The following SHROOM3 variants were observed in gnomAD, a reference collection of about 807,000 sequenced individuals.
SHROOM3 encodes shroom family member 3.
A neutral mutation model predicts 138.6 loss-of-function variants in SHROOM3; 47 were observed. That is an observed-to-expected ratio of 0.34 (90% CI 0.27 to 0.43). The LOEUF is 0.43. Among genes scored for constraint, SHROOM3 ranks in the 20% least tolerant of loss-of-function variants. The pLI is 1.00. For missense variants in SHROOM3, 2,491 were observed against 2,596.5 expected (o/e 0.96, Z 0.88); for synonymous variants, 1,062 against 1,063.3 (o/e 1.00, Z 0.02).
At chr4:76,514,093 T>C (rs1425795425) in intron 1 of SHROOM3, among the ~76,000 whole-genome samples, 2 of 152,228 alleles carry the variant, frequency 1.3e-5, no homozygotes, top group Non-Finnish European at 1.5e-5. Context: ...TCAGCCACTC[T>C]GGAAAACAGT....
intron 2 of SHROOM3, among the ~76,000 whole-genome samples, chr4:76,576,146 G>A (rs763707662): frequency 2.2e-4 from 33 of 152,010 alleles, no homozygotes; most frequent in Non-Finnish European, 3.8e-4. Flanking sequence ...CCCACTATGG[G>A]GTATATACCC....
rs371443861 is a variant in SHROOM3 at position 76,740,953 on chromosome 4, G to A, written c.2780G>A (p.Ser927Asn). 6.7e-7 allele frequency: 1 copy of A among 1,498,886 alleles called. No individual in the cohort carries two copies. Among genetic ancestry groups the A allele is most frequent in the African/African-American group, 1.4e-5 (1 of 71,192 alleles). 92.8% of individuals were successfully genotyped at this position (1,498,886 alleles called of 1,614,324 possible). Residue 927 changes from serine (S) to asparagine (N), a missense_variant, in exon 5 of 11, where the codon AGC becomes AAC. This residue lies in a region of SHROOM3 where 1,733 missense variants were observed against 1,661.6 expected (regional missense o/e 1.04). Coordinates refer to ENST00000296043, the MANE Select transcript of SHROOM3 (RefSeq NM_020859.4). The surrounding 1 kb of genome is among the most constrained non-coding windows in gnomAD (Gnocchi z 4.0). ...DAPFSRAYRNSIKDAQSRVLG... is the reference protein window; with the variant it reads ...DAPFSRAYRNNIKDAQSRVLG... ...CCCTTCAGCCGCGCCTACCGGAACA[G>A]CATCAAGGACGCACAGTCCCGTGTC...
Position 76,779,148 on chromosome 4 carries a change from A to G in SHROOM3, c.5962A>G (p.Ile1988Val). 1 of 1,613,258 alleles carries G rather than the reference A, an allele frequency of 6.2e-7. No homozygotes were observed. Residue 1988 changes from isoleucine to valine, a missense_variant, in exon 11 of 11, where the codon ATT becomes GTT. By Grantham distance (29) the Ile-to-Val change is conservative (BLOSUM62 3). Transcript: ENST00000296043. ...IPAGGCTFSG[I>V]FPTLTSPL ...TGCTGGGGGCTGTACTTTCAGTGGT[A>G]TTTTCCCAACATTAACCTCTCCACT... is the stretch of plus-strand genomic sequence containing the variant.
At chr4:76,655,828 T>C (rs1270021013) in intron 2 of SHROOM3, among the ~76,000 whole-genome samples, 1 of 152,214 alleles carries the variant, frequency 6.6e-6, no homozygotes, top group Non-Finnish European at 1.5e-5. Context: ...CTGGCATTTA[T>C]CTCTCAGGAT....
intron 2 of SHROOM3, among the ~76,000 whole-genome samples, chr4:76,706,860 T>C (rs1720070342): frequency 6.6e-6 from 1 of 152,322 alleles, no homozygotes; most frequent in Admixed American, 6.5e-5. Flanking sequence ...TGTGCTGCAC[T>C]GCTAGCACAC....
At chr4:76,748,827 TTTTTTTTTTTA>T (rs1721531481) in intron 5 of SHROOM3, among the ~76,000 whole-genome samples, 179 bp from the exon 6 acceptor site, 1 of 150,554 alleles carries the variant, frequency 6.6e-6, no homozygotes, top group Non-Finnish European at 1.5e-5. Flanking sequence ...TTTTTTTTTT[TTTTTTTTTTTA>T]AATCTTCGGC....
In SHROOM3 at chr4:76,629,628, G is replaced by C. The variant is rs999794164; in HGVS notation, c.323+73865G>C. 8.5e-5 allele frequency among the ~76,000 whole-genome samples: 13 copies of C among 152,292 alleles called. No homozygotes were observed. In the East Asian group the frequency reaches 1.9e-3, roughly 23 times the overall value. ...GACTTGGACCTGGATCATAGCGAGG[G>C]AGATGGGAGATGTGGTTGGATTCTG... On this transcript the variant is annotated intron_variant, in intron 2 of 10. Coordinates refer to ENST00000296043, the MANE Select transcript of SHROOM3 (RefSeq NM_020859.4).
In SHROOM3 at chr4:76,739,345, G is replaced by A. The variant is rs1721174314; in HGVS notation, c.1172G>A (p.Ser391Asn). 1.2e-6 allele frequency: 2 copies of A among 1,614,122 alleles called. No individual in the cohort carries two copies. The highest frequency in any genetic ancestry group is 4.5e-5 in the East Asian group (2 of 44,874). Residue 391 changes from serine (S) to asparagine (N), a missense_variant, in exon 5 of 11, where the codon AGT becomes AAT. Ser to Asn is a conservative substitution (Grantham distance 46, BLOSUM62 1). Coordinates refer to ENST00000296043, the MANE Select transcript of SHROOM3 (RefSeq NM_020859.4). ...GAPLPPARSD[S>N]YAAFRHRERP... Reference sequence around the variant, plus strand: ...CCCCTGCCTCCAGCTCGGAGTGACAGTTACGCAGCATTTCGGCACCGTGAG... The same window carrying A: ...CCCCTGCCTCCAGCTCGGAGTGACAATTACGCAGCATTTCGGCACCGTGAG...
intron 9 of SHROOM3, among the ~76,000 whole-genome samples, chr4:76,766,450 G>C (rs926608072): frequency 6.6e-6 from 1 of 152,186 alleles, no homozygotes; most frequent in Non-Finnish European, 1.5e-5. Flanking sequence ...GGGAGGCAGG[G>C]TCTATGAAGC....
At chr4:76,529,533 G>A (rs1195397737) in intron 1 of SHROOM3, among the ~76,000 whole-genome samples, 2 of 151,920 alleles carry the variant, frequency 1.3e-5, no homozygotes, top group Non-Finnish European at 2.9e-5. Flanking sequence ...CACCATGTTA[G>A]CCAGGATGGT....
rs7689300 is a variant in SHROOM3 at position 76,637,311 on chromosome 4, T to A, written c.324-72845T>A. On this transcript the variant is annotated intron_variant, in intron 2 of 10. Transcript: ENST00000296043. ...TGAACCAAAACTCTTGCAGATGCAA[T>A]AGGCACAGGCTCTCTGTTTCCCGTT... Among the ~76,000 whole-genome samples, 1,008 of 152,280 alleles carry A rather than the reference T, an allele frequency of 6.6e-3. 8 individuals carry two copies. Among genetic ancestry groups the A allele is most frequent in the Middle Eastern group, 0.02 (6 of 294 alleles).
chr4:76,552,914 G>T (rs966229169), intron 1 of SHROOM3, among the ~76,000 whole-genome samples: 4 of 151,968 alleles, frequency 2.6e-5, no homozygotes, highest in Admixed American at 1.3e-4. Context: ...GACCCAGATC[G>T]AGCCTTATTT....
At chr4:76,482,670 G>A (rs186111838) in intron 1 of SHROOM3, among the ~76,000 whole-genome samples, 5,233 of 152,030 alleles carry the variant, frequency 0.034, 103 homozygotes, top group Middle Eastern at 0.071. Context: ...ATATGGAACC[G>A]AAAAAGAGCC....
chr4:76,689,604 C>A (rs867752928), intron 2 of SHROOM3: 3 of 985,094 alleles, frequency 3.0e-6, no homozygotes, highest in Non-Finnish European at 3.6e-6. Flanking sequence ...CCGGCGATGC[C>A]GCGCGCCGCC....
At chr4:76,537,151 A>G (rs1732970456) in intron 1 of SHROOM3, among the ~76,000 whole-genome samples, 1 of 152,118 alleles carries the variant, frequency 6.6e-6, no homozygotes, top group Non-Finnish European at 1.5e-5. Context: ...TGAAAGAGAA[A>G]AGGAAGTGAG....
At chr4:76,645,788 T>C (rs1201023033) in intron 2 of SHROOM3, 1 of 152,146 alleles carries the variant, frequency 6.6e-6, no homozygotes, top group African/African-American at 2.4e-5. Context: ...AGATATCTCA[T>C]TATATACATG....
intron 2 of SHROOM3, among the ~76,000 whole-genome samples, chr4:76,695,371 A>T (rs1445937840): frequency 6.6e-6 from 1 of 152,228 alleles, no homozygotes; most frequent in Non-Finnish European, 1.5e-5. Context: ...TGTGAGGTCT[A>T]TGTAGGGATG....
At chr4:76,478,249 A>G (rs928881622) in intron 1 of SHROOM3, among the ~76,000 whole-genome samples, 56 of 152,334 alleles carry the variant, frequency 3.7e-4, no homozygotes, top group African/African-American at 1.2e-3. Flanking sequence ...CGCTGCTAGC[A>G]TAGCAGTCTG....
At chr4:76,461,769 C>T (rs900399485) in intron 1 of SHROOM3, among the ~76,000 whole-genome samples, 2 of 152,118 alleles carry the variant, frequency 1.3e-5, no homozygotes, top group African/African-American at 2.4e-5. Context: ...GTACTACATG[C>T]GAGATACTTG....
Sources: gnomAD v4.1 joint callset for allele counts (sites outside exome capture counted in the v4.1 genomes callset) on GRCh38, gnomAD v4.1.1 for gene constraint, gnomAD v4.1.1 regional missense constraint, Gnocchi (gnomAD v3.1) non-coding constraint, MANE v1.5 for transcripts, NCBI Gene and HGNC (gene_info 2026-07-23, HGNC 2026-07-21) for gene names.